RTN4: variants seen among roughly 807,000 people sequenced by gnomAD.
RTN4 encodes the protein reticulon-4.
Under a neutral mutation model 90.4 loss-of-function variants are expected in RTN4, and 32 were observed. That is an observed-to-expected ratio of 0.35 (90% CI 0.27 to 0.48). RTN4 has a LOEUF of 0.48. Ranked by LOEUF, RTN4 falls within the 20% of genes least tolerant of loss-of-function variation. RTN4 has a pLI of 0.99. For synonymous variants in RTN4, 629 were observed against 552.5 expected (o/e 1.14, Z -1.94); for missense variants, 1,706 against 1,430.2 (o/e 1.19, Z -3.11).
At position 55,025,929 on chromosome 2, in the gene RTN4, C is replaced by T; in HGVS notation, c.2170G>A (p.Val724Ile). The part of the protein sequence containing the change: ...DFSDYSEMAK[V>I]EQPVPDHSEL... ...GAATGATCAGGCACTGGCTGTTCAACTTTTGCCATTTCTGAATAATCAGAG... is the reference window on the plus strand; with the variant it reads ...GAATGATCAGGCACTGGCTGTTCAATTTTTGCCATTTCTGAATAATCAGAG... Residue 724 changes from valine to isoleucine, a missense_variant, in exon 3 of 9, where the codon GTT (valine) becomes ATT (isoleucine). Val to Ile is a conservative substitution (Grantham distance 29). Transcript: ENST00000337526. 1 of 1,612,862 alleles carries T rather than the reference C, an allele frequency of 6.2e-7. No homozygotes were observed. The highest frequency in any genetic ancestry group is 8.5e-7 in the Non-Finnish European group (1 of 1,179,642).
At chr2:55,018,951 C>T (rs1681231845) in intron 3 of RTN4, among the ~76,000 whole-genome samples, 1 of 151,920 alleles carries the variant, frequency 6.6e-6, no homozygotes, top group Admixed American at 6.6e-5. Flanking sequence ...TGGCTGATTC[C>T]AGGGCTGGGA....
At chr2:54,977,406 G>GTTT (rs34777052) in intron 5 of RTN4, among the ~76,000 whole-genome samples, 42 of 146,128 alleles carry the variant, frequency 2.9e-4, no homozygotes, top group African/African-American at 6.0e-4. Context: ...AGCTCAGGCC[G>GTTT]TTTTTTTTTT....
intron 2 of RTN4, among the ~76,000 whole-genome samples, chr2:55,070,966 T>TG (rs1465074735): frequency 6.6e-6 from 1 of 151,796 alleles, no homozygotes; most frequent in African/African-American, 2.4e-5. Flanking sequence ...TTATTAGAGA[T>TG]GGGGTTTCAC....
At chr2:55,132,941 G>C in the RTN4 span, among the ~76,000 whole-genome samples, 43,516 of 151,014 alleles carry the variant, frequency 0.29, 6,816 homozygotes, top group African/African-American at 0.4. Context: ...GCCGGGTGTG[G>C]TGGCTCACAC....
rs567557432 is a variant in RTN4 at position 54,999,678 on chromosome 2, C to T, written c.3014-11980G>A. On this transcript the variant is annotated intron_variant, in intron 3 of 8. Coordinates refer to ENST00000337526, the MANE Select transcript of RTN4 (RefSeq NM_020532.5). ...TTAAAATTTCAGTTGTTTTTCACAA[C>T]CATGTTTATAATAATAAGTAATTAT... 3.9e-5 allele frequency among the ~76,000 whole-genome samples: 6 copies of T among 152,118 alleles called. 1 individual carries two copies. The South Asian group carries it at 1.2e-3, about 32-fold the overall frequency.
At chr2:55,027,533 G>A in intron 2 of RTN4, 48 bp from the exon 3 acceptor site, 1 of 1,538,746 alleles carries the variant, frequency 6.5e-7, no homozygotes, top group Non-Finnish European at 8.7e-7. Context: ...AGTGTTCTCA[G>A]AGTTAATGCA....
chr2:55,005,717 T>C (rs1398690726), intron 3 of RTN4, among the ~76,000 whole-genome samples: 1 of 152,164 alleles, frequency 6.6e-6, no homozygotes, highest in Non-Finnish European at 1.5e-5. Context: ...TGGAAATATT[T>C]TGGAATACTT....
the RTN4 span, among the ~76,000 whole-genome samples, chr2:55,120,255 C>T: frequency 6.6e-6 from 1 of 152,216 alleles, no homozygotes; most frequent in Non-Finnish European, 1.5e-5. Flanking sequence ...GAAAGCAATG[C>T]TTCCTGCCCC....
chr2:55,017,116 ACTGATAGC>A (rs1681100347), intron 3 of RTN4, among the ~76,000 whole-genome samples: 1 of 152,194 alleles, frequency 6.6e-6, no homozygotes, highest in Non-Finnish European at 1.5e-5. Flanking sequence ...TTGTACATCT[ACTGATAGC>A]CTTCCAGTTA....
chr2:55,122,561 C>G, the RTN4 span, among the ~76,000 whole-genome samples: 1 of 152,200 alleles, frequency 6.6e-6, no homozygotes, highest in East Asian at 1.9e-4. Context: ...TCTGATGAGA[C>G]GATGGAGCAG....
chr2:55,109,023 C>T (rs559738192), intron 1 of RTN4, among the ~76,000 whole-genome samples: 1 of 152,190 alleles, frequency 6.6e-6, no homozygotes, highest in African/African-American at 2.4e-5. Flanking sequence ...TCTCCAAGTA[C>T]AATTTCTAAA....
intron 1 of RTN4, among the ~76,000 whole-genome samples, chr2:55,034,339 A>G (rs1292251219): frequency 5.3e-5 from 8 of 152,038 alleles, no homozygotes; most frequent in Non-Finnish European, 1.2e-4. Flanking sequence ...CAACTCTCCA[A>G]AAAAATTAAA....
rs886501576 is a variant in RTN4 at position 54,973,801 on chromosome 2, G to A, written c.3477+20C>T. On this transcript the variant is annotated intron_variant, in intron 7 of 8. Coordinates refer to ENST00000337526, the MANE Select transcript of RTN4 (RefSeq NM_020532.5). ...GAGTGAGTGCTCTATTCTGAAGTCA[G>A]CAGTTAGTTAGGAAATTACCTGATG... is the stretch of plus-strand genomic sequence containing the variant. 6.2e-7 allele frequency: 1 copy of A among 1,600,880 alleles called. No individual in the cohort carries two copies. The highest frequency in any genetic ancestry group is 8.6e-7 in the Non-Finnish European group (1 of 1,168,508).
intron 3 of RTN4, among the ~76,000 whole-genome samples, chr2:55,019,308 T>C (rs1348923298): frequency 6.6e-6 from 1 of 152,150 alleles, no homozygotes; most frequent in Non-Finnish European, 1.5e-5. Context: ...AAAGACTGGA[T>C]CAAGCAAGAA....
At chr2:55,062,469 T>G (rs191889564) in intron 2 of RTN4, among the ~76,000 whole-genome samples, 1 of 152,154 alleles carries the variant, frequency 6.6e-6, no homozygotes, top group Non-Finnish European at 1.5e-5. Flanking sequence ...CCCTAGAGGT[T>G]TGAGCAGCGG....
intron 1 of RTN4, among the ~76,000 whole-genome samples, chr2:55,109,098 G>A (rs1368510804): frequency 7.9e-5 from 12 of 151,946 alleles, no homozygotes; most frequent in Non-Finnish European, 1.8e-4. Flanking sequence ...CTTTTGAAAC[G>A]TTTCAGCCAC....
intron 2 of RTN4, among the ~76,000 whole-genome samples, chr2:55,080,115 C>A (rs1334002528): frequency 6.6e-6 from 1 of 152,120 alleles, no homozygotes; most frequent in Non-Finnish European, 1.5e-5. Flanking sequence ...CTCCCAGGCT[C>A]AAATGATCCT....
intron 3 of RTN4, among the ~76,000 whole-genome samples, chr2:55,011,745 A>C (rs1680658862): frequency 6.6e-6 from 1 of 152,224 alleles, no homozygotes; most frequent in African/African-American, 2.4e-5. Context: ...AAATTAGGAA[A>C]ATGAGAGGGG....
intron 3 of RTN4, among the ~76,000 whole-genome samples, chr2:54,993,541 C>T (rs1377110787): frequency 6.6e-6 from 1 of 152,156 alleles, no homozygotes; most frequent in Non-Finnish European, 1.5e-5. Context: ...CCTAACCTAC[C>T]ACTTCCTTTC....
Sources: gnomAD v4.1 joint callset for allele counts (sites outside exome capture counted in the v4.1 genomes callset) on GRCh38, gnomAD v4.1.1 for gene constraint, MANE v1.5 for transcripts, NCBI Gene and HGNC (gene_info 2026-07-23, HGNC 2026-07-21) for gene names.